TREH: variants seen among roughly 807,000 people sequenced by gnomAD.
The protein encoded by TREH is alpha,alpha-trehalose glucohydrolase.
A neutral mutation model predicts 80.5 loss-of-function variants in TREH; 69 were observed. That is an observed-to-expected ratio of 0.86 (90% CI 0.71 to 1.05). The LOEUF is 1.05. Ranked by LOEUF, TREH falls within the 50% of genes least tolerant of loss-of-function variation. The pLI is 0.00. For synonymous variants in TREH, 309 were observed against 293.5 expected (o/e 1.05, Z -0.54); for missense variants, 716 against 718.8 (o/e 1.00, Z 0.04).
Position 118,659,745 on chromosome 11 carries a change from A to G in TREH, c.1320+2T>C. The stretch of plus-strand genomic sequence containing the variant: ...GACCCGAGCCACCTGCTGTGCCCTC[A>G]CCTCCAGGTATTTCAGAGCCTTGTC... On this transcript the variant is annotated splice_donor_variant, in intron 11 of 14. Coordinates refer to ENST00000264029, the MANE Select transcript of TREH (RefSeq NM_007180.3). LOFTEE classifies it high-confidence loss of function. 6.4e-7 allele frequency: 1 copy of G among 1,568,400 alleles called. No individual in the cohort carries two copies. Among genetic ancestry groups the G allele is most frequent in the Non-Finnish European group, 8.6e-7 (1 of 1,156,300 alleles).
intron 1 of TREH, among the ~76,000 whole-genome samples, chr11:118,665,707 C>A (rs1458401756): frequency 6.6e-6 from 1 of 152,206 alleles, no homozygotes; most frequent in Non-Finnish European, 1.5e-5. Context: ...TACTAAGGGC[C>A]TGATGGGGTG....
chr11:118,675,343 G>T (rs973005477), intron 1 of TREH, among the ~76,000 whole-genome samples: 6 of 152,152 alleles, frequency 3.9e-5, no homozygotes, highest in Non-Finnish European at 8.8e-5. Flanking sequence ...TCCACACTCA[G>T]GTTAAGGGCA....
intron 4 of TREH, chr11:118,662,680 G>A (rs1949336850): frequency 3.3e-6 from 2 of 603,030 alleles, no homozygotes; most frequent in Non-Finnish European, 2.9e-6. Flanking sequence ...TCCTGGAGGA[G>A]GCGAGATGTT....
intron 4 of TREH, 79 bp downstream of exon 4, chr11:118,662,802 G>A (rs1484402441): frequency 7.4e-6 from 11 of 1,494,848 alleles, no homozygotes; most frequent in East Asian, 4.9e-5. Context: ...TCTGTGCTCC[G>A]AAGACACTGT....
At chr11:118,679,286 G>A (rs1036403401) in intron 1 of TREH, among the ~76,000 whole-genome samples, 1 of 152,060 alleles carries the variant, frequency 6.6e-6, no homozygotes, top group African/African-American at 2.4e-5. Flanking sequence ...GCAGTGAGTG[G>A]AGATGGTGCC....
intron 1 of TREH, among the ~76,000 whole-genome samples, chr11:118,669,068 A>T (rs2137277675): frequency 6.6e-6 from 1 of 152,378 alleles, no homozygotes; most frequent in East Asian, 1.9e-4. Context: ...GAAGACATAC[A>T]AATGGCAAAC....
chr11:118,658,764 G>C (rs782212348), intron 13 of TREH, 31 bp from the exon 14 acceptor site: 1 of 1,610,090 alleles, frequency 6.2e-7, no homozygotes, highest in South Asian at 1.1e-5. Context: ...TGTATGTCAG[G>C]TACTGCCCCC....
chr11:118,658,771 C>G, intron 13 of TREH, 38 bp from the exon 14 acceptor site: 1 of 1,610,904 alleles, frequency 6.2e-7, no homozygotes. Context: ...CAGGTACTGC[C>G]CCCCAGCTCC....
At chr11:118,660,958 T>C in intron 8 of TREH, 43 bp from the exon 9 acceptor site, 1 of 1,557,244 alleles carries the variant, frequency 6.4e-7, no homozygotes. Flanking sequence ...TAGTAGCTAC[T>C]AAGCCCCTCT....
intron 1 of TREH, among the ~76,000 whole-genome samples, chr11:118,669,137 C>T (rs539299069): frequency 6.6e-6 from 1 of 152,244 alleles, no homozygotes; most frequent in Admixed American, 6.5e-5. Flanking sequence ...ATCAAAACTA[C>T]AATGAGATAG....
chr11:118,670,099 AAAG>A (rs1416015686), intron 1 of TREH, among the ~76,000 whole-genome samples: 18 of 152,248 alleles, frequency 1.2e-4, no homozygotes, highest in Admixed American at 7.9e-4. Flanking sequence ...TTATTTAAAA[AAAG>A]AAATCAATTT....
chr11:118,666,435 G>A (rs1287206213), intron 1 of TREH, among the ~76,000 whole-genome samples: 4 of 152,158 alleles, frequency 2.6e-5, no homozygotes, highest in Admixed American at 6.5e-5. Flanking sequence ...TTGCCAAGAC[G>A]ACTCCTGCTG....
At position 118,661,134 on chromosome 11, in the gene TREH, G is replaced by A; in HGVS notation, c.857+26C>T. The A allele has an allele frequency of 1.9e-6, 3 of 1,613,644 alleles. No homozygotes were observed. Among genetic ancestry groups the A allele is most frequent in the Non-Finnish European group, 2.5e-6 (3 of 1,179,822 alleles). ...AACCAGAGTGAGCAGGTAAGAGATTGAGGGGTGGGCTGCCCAGTTCCTCAC... is the reference window on the plus strand; with the variant it reads ...AACCAGAGTGAGCAGGTAAGAGATTAAGGGGTGGGCTGCCCAGTTCCTCAC... On this transcript the variant is annotated intron_variant, in intron 8 of 14. Transcript: ENST00000264029. This position sits in a 1 kb window ranked among gnomAD's most constrained non-coding sequence, Gnocchi z 4.2.
intron 12 of TREH, 89 bp downstream of exon 12, chr11:118,659,281 T>C (rs2137257737): frequency 8.8e-7 from 1 of 1,134,050 alleles, no homozygotes; most frequent in Non-Finnish European, 1.2e-6. Flanking sequence ...GGGCCTCTTG[T>C]GTCTTTTGTT....
intron 1 of TREH, among the ~76,000 whole-genome samples, chr11:118,676,761 TG>T (rs10719393): frequency 1 from 148,263 of 148,266 alleles, 74,130 homozygotes; most frequent in Middle Eastern, 1. Context: ...AGAGCTAGAT[TG>T]CTGTCTCAAA....
chr11:118,660,431 G>T, intron 10 of TREH, 108 bp downstream of exon 10: 2 of 1,209,148 alleles, frequency 1.7e-6, no homozygotes. Context: ...GGCTCGACAG[G>T]CTAAGTTGCT....
chr11:118,660,057 G>T, intron 10 of TREH, 93 bp from the exon 11 acceptor site: 1 of 1,219,932 alleles, frequency 8.2e-7, no homozygotes, highest in Non-Finnish European at 1.1e-6. Context: ...CCCGCTTTGT[G>T]TTTCTCTGCA....
intron 1 of TREH, among the ~76,000 whole-genome samples, chr11:118,663,797 G>T (rs1949352044): frequency 6.7e-6 from 1 of 148,670 alleles, no homozygotes; most frequent in African/African-American, 2.5e-5. Context: ...GATCGGAAGG[G>T]CTTATGGCAG....
intron 1 of TREH, among the ~76,000 whole-genome samples, chr11:118,675,980 G>T (rs1372468217): frequency 1.3e-5 from 2 of 152,228 alleles, no homozygotes; most frequent in Non-Finnish European, 2.9e-5. Context: ...TGGGATTACA[G>T]GCATGAGCCA....
Sources: gnomAD v4.1 joint callset for allele counts (sites outside exome capture counted in the v4.1 genomes callset) on GRCh38, gnomAD v4.1.1 for gene constraint, Gnocchi (gnomAD v3.1) non-coding constraint, MANE v1.5 for transcripts, NCBI Gene and HGNC (gene_info 2026-07-23, HGNC 2026-07-21) for gene names.